The following ATP2C2 variants were observed in gnomAD, a reference collection of about 807,000 sequenced individuals.
ATP2C2 encodes ATPase secretory pathway Ca2+ transporting 2, also known as calcium-transporting ATPase type 2C member 2.
In ATP2C2, 171 loss-of-function variants were observed where a neutral mutation model predicts 110.8. That is an observed-to-expected ratio of 1.54 (90% CI 1.36 to 1.75). ATP2C2 has a LOEUF of 1.75. Ranked by LOEUF, ATP2C2 falls within the 40% of genes most tolerant of loss-of-function variation. The pLI, the probability that ATP2C2 is intolerant of heterozygous loss-of-function variation, is 0.00. For missense variants in ATP2C2, 1,963 were observed against 1,235.0 expected, an observed-to-expected ratio of 1.59 and a Z score of -8.84; for synonymous variants, 804 against 508.4, an observed-to-expected ratio of 1.58 and a Z score of -7.82.
Position 84,463,787 on chromosome 16 carries a change from G to A in ATP2C2, c.*55G>A, listed in dbSNP as rs1014428098. 8 of 1,478,790 alleles carry A rather than the reference G, an allele frequency of 5.4e-6. No homozygotes were observed. The highest frequency in any genetic ancestry group is 6.6e-6 in the Non-Finnish European group (7 of 1,058,770). The allele number at this position is 1,478,790 out of a possible 1,614,324, so 91.6% of individuals were successfully genotyped here. ...TCATCTCGATCTGGTTGTGACTGTG[G>A]CCCCTGCCGTGTCTCCTCGTCAGGG... is the stretch of plus-strand genomic sequence containing the variant. On this transcript the variant is annotated 3_prime_UTR_variant, in exon 27 of 27. Transcript: ENST00000262429.
chr16:84,398,434 T>G (rs929857368), intron 1 of ATP2C2, 65 bp from the exon 2 acceptor site: 103 of 985,106 alleles, frequency 1.0e-4, no homozygotes, highest in Non-Finnish European at 1.4e-4. Context: ...AAATAAAAAA[T>G]AAATTTAAAA....
chr16:84,415,461 C>CT (rs761905178), intron 6 of ATP2C2, 22 bp from the exon 7 acceptor site: 1 of 1,605,482 alleles, frequency 6.2e-7, no homozygotes, highest in East Asian at 2.2e-5. Flanking sequence ...GATGCTTTTG[C>CT]TTTTTACCAT....
In ATP2C2 at chr16:84,454,984, T is replaced by G. The variant is rs758089351; in HGVS notation, c.2147T>G (p.Met716Arg). 2.5e-6 allele frequency: 4 copies of G among 1,613,082 alleles called. No individual in the cohort carries two copies. The East Asian group carries it at 8.9e-5, about 36-fold the overall frequency. Reference sequence around the variant, plus strand: ...GTGGATGATGACTTCTCAGCCATCATGTAAGCTGCCCTTCTGGTTGTTTTT... The same window carrying G: ...GTGGATGATGACTTCTCAGCCATCAGGTAAGCTGCCCTTCTGGTTGTTTTT... ...ILVDDDFSAI[M>R]NAVEEGKGIF... Residue 716 changes from methionine to arginine, a missense_variant and splice_region_variant, in exon 21 of 27, where the codon ATG becomes AGG. Met to Arg is a moderately conservative substitution (Grantham distance 91). Transcript: ENST00000262429.
rs981232546 is a variant in ATP2C2 at position 84,436,271 on chromosome 16, A to C, written c.987-2895A>C. 2.6e-5 allele frequency among the ~76,000 whole-genome samples: 4 copies of C among 152,216 alleles called. No homozygotes were observed. In the South Asian group the frequency reaches 6.2e-4, roughly 24 times the overall value. ...TACTGGATTTCCAGCTTCTCTTGGG[A>C]GCATGGGAGGCCCGGCAGCACTGTG... On this transcript the variant is annotated intron_variant, in intron 11 of 26. Coordinates refer to ENST00000262429, the MANE Select transcript of ATP2C2 (RefSeq NM_014861.4).
At chr16:84,375,914 G>A (rs1165699139) in intron 1 of ATP2C2, among the ~76,000 whole-genome samples, 2 of 152,096 alleles carry the variant, frequency 1.3e-5, no homozygotes, top group Non-Finnish European at 2.9e-5. Context: ...GGAGAGAAAG[G>A]ATTGTGGGTT....
chr16:84,410,767 T>C lies in ATP2C2; in HGVS notation c.515+2T>C. 1.2e-6 allele frequency: 2 copies of C among 1,613,780 alleles called. No homozygotes were observed. The highest frequency in any genetic ancestry group is 1.7e-6 in the Non-Finnish European group (2 of 1,179,722). Reference sequence around the variant, plus strand: ...GCTGGTTCCTCCAGAATGTAACTGGTAAGTCAGAGCCTCCCTGGGACTTTT... The same window carrying C: ...GCTGGTTCCTCCAGAATGTAACTGGCAAGTCAGAGCCTCCCTGGGACTTTT... On this transcript the variant is annotated splice_donor_variant, in intron 6 of 26. Coordinates refer to ENST00000262429, the MANE Select transcript of ATP2C2 (RefSeq NM_014861.4). LOFTEE classifies it high-confidence loss of function.
At position 84,463,704 on chromosome 16, in the gene ATP2C2, G is replaced by C. The variant is rs78576158; in HGVS notation, c.2813G>C (p.Arg938Thr). Residue 938 changes from arginine to threonine, a missense_variant, in exon 27 of 27, where the codon AGA becomes ACA. Transcript: ENST00000262429. ...LCEKYCCSPK[R>T]VQMHPEDV ...GAAAAATACTGTTGCAGCCCCAAGAGAGTCCAGATGCACCCTGAAGATGTG... is the reference window on the plus strand; with the variant it reads ...GAAAAATACTGTTGCAGCCCCAAGACAGTCCAGATGCACCCTGAAGATGTG... 1,972 of 1,614,044 alleles carry C rather than the reference G, an allele frequency of 1.2e-3. 19 individuals are homozygous for C. In the African/African-American group the frequency reaches 0.022, roughly 18 times the overall value.
At chr16:84,424,119 T>A (rs537645655) in intron 10 of ATP2C2, among the ~76,000 whole-genome samples, 1 of 152,246 alleles carries the variant, frequency 6.6e-6, no homozygotes, top group South Asian at 2.1e-4. Flanking sequence ...CCACTGCCTA[T>A]AGCACATCTA....
intron 17 of ATP2C2, among the ~76,000 whole-genome samples, chr16:84,450,989 G>T (rs999855227): frequency 6.6e-6 from 1 of 152,178 alleles, no homozygotes; most frequent in African/African-American, 2.4e-5. Context: ...GGGAAGTGGG[G>T]TGGGTCTTAT....
chr16:84,395,292 C>G (rs558329736), intron 1 of ATP2C2, among the ~76,000 whole-genome samples: 2 of 152,102 alleles, frequency 1.3e-5, no homozygotes, highest in Admixed American at 1.3e-4. Flanking sequence ...CCTCCAGTGT[C>G]ACTGCAGCAT....
chr16:84,408,455 C>T lies in ATP2C2; in HGVS notation c.378C>T (p.Val126=), dbSNP rs779347213. 3.1e-6 allele frequency: 5 copies of T among 1,613,768 alleles called. No homozygotes were observed. The South Asian group carries it at 4.4e-5, about 14-fold the overall frequency. The change falls in exon 4 of 27, where the codon GTC becomes GTT. Residue 126 remains valine, a synonymous_variant. Transcript: ENST00000262429. ...TGCTGGGCTCTGCCCTGGTGAGTGT[C>T]CTCACCAAGGAGTATGAGGACGCCG... The part of the protein sequence containing the change: ...LLLLGSALVS[V]LTKEYEDAVS...
At chr16:84,370,082 A>G (rs563799623) in intron 1 of ATP2C2, among the ~76,000 whole-genome samples, 4 of 152,262 alleles carry the variant, frequency 2.6e-5, no homozygotes, top group East Asian at 1.9e-4. Flanking sequence ...GTATTTTTCA[A>G]ACTCTCCTGG....
At chr16:84,415,676 GTCTC>G in intron 7 of ATP2C2, 85 bp downstream of exon 7, 1 of 1,101,998 alleles carries the variant, frequency 9.1e-7, no homozygotes, top group Non-Finnish European at 1.3e-6. Flanking sequence ...GGCATGTATA[GTCTC>G]TCTCATACAC....
intron 4 of ATP2C2, 53 bp from the exon 5 acceptor site, chr16:84,410,515 C>T (rs1483180856): frequency 3.2e-6 from 5 of 1,584,970 alleles, no homozygotes; most frequent in East Asian, 2.2e-5. Flanking sequence ...CACGCCCTGT[C>T]CCCCCTCCCA....
At chr16:84,413,931 C>G (rs1052585199) in intron 6 of ATP2C2, among the ~76,000 whole-genome samples, 1 of 152,156 alleles carries the variant, frequency 6.6e-6, no homozygotes. Context: ...CCTCACATTC[C>G]TACCAAGGGA....
intron 7 of ATP2C2, among the ~76,000 whole-genome samples, chr16:84,420,778 C>G (rs1269085306): frequency 2.6e-5 from 4 of 151,992 alleles, no homozygotes; most frequent in Non-Finnish European, 4.4e-5. Flanking sequence ...TCTGATGTTC[C>G]TTGTTTTTGA....
At chr16:84,429,756 G>A (rs1010536715) in intron 11 of ATP2C2, among the ~76,000 whole-genome samples, 5 of 152,120 alleles carry the variant, frequency 3.3e-5, no homozygotes, top group African/African-American at 1.2e-4. Flanking sequence ...TGAGGCCTTG[G>A]AGGAGACTGG....
At chr16:84,383,591 T>C (rs1910712822) in intron 1 of ATP2C2, among the ~76,000 whole-genome samples, 1 of 152,174 alleles carries the variant, frequency 6.6e-6, no homozygotes, top group African/African-American at 2.4e-5. Flanking sequence ...AAGAAGATGA[T>C]AGCACAAACA....
At chr16:84,380,596 C>A (rs1023523458) in intron 1 of ATP2C2, among the ~76,000 whole-genome samples, 1 of 152,092 alleles carries the variant, frequency 6.6e-6, no homozygotes, top group Non-Finnish European at 1.5e-5. Context: ...CCCTTTTCTG[C>A]GCAAGTCTAG....
Sources: gnomAD v4.1 joint callset for allele counts (sites outside exome capture counted in the v4.1 genomes callset) on GRCh38, gnomAD v4.1.1 for gene constraint, MANE v1.5 for transcripts, NCBI Gene and HGNC (gene_info 2026-07-23, HGNC 2026-07-21) for gene names.